DST: variants seen among roughly 807,000 people sequenced by gnomAD.
The protein encoded by DST is bullous pemphigoid antigen.
DST carries 253 observed loss-of-function variants against 875.2 expected under a neutral mutation model. That is an observed-to-expected ratio of 0.29 (90% CI 0.26 to 0.32). The LOEUF (loss-of-function observed/expected upper bound fraction) is 0.32. Among genes scored for constraint, DST ranks in the 10% least tolerant of loss-of-function variants. The pLI is 1.00. For synonymous variants in DST, 3,124 were observed against 3,197.1 expected (o/e 0.98, Z 0.77); for missense variants, 8,287 against 9,111.6 (o/e 0.91, Z 3.68).
At chr6:56,491,502 A>C (rs2095740655) in intron 85 of DST, among the ~76,000 whole-genome samples, 1 of 152,174 alleles carries the variant, frequency 6.6e-6, no homozygotes, top group Admixed American at 6.5e-5. Flanking sequence ...GAGATGCATA[A>C]CTTTACCTCT....
At chr6:56,646,023 G>T (rs1408779509) in intron 14 of DST, 30 bp from the exon 15 acceptor site, 2 of 1,600,624 alleles carry the variant, frequency 1.2e-6, no homozygotes. Flanking sequence ...TTAATGTGAA[G>T]CAAAAATGAA....
rs370166811 is a variant in DST at position 56,730,629 on chromosome 6, G to A, written c.687+4599C>T. On this transcript the variant is annotated intron_variant, in intron 5 of 103. Coordinates refer to ENST00000680361, the MANE Select transcript of DST (RefSeq NM_001374736.1). ...TTCTCCAGGTAAAATTTAGCTAACT[G>A]AAGACACAGGTATTTCCAATAACAA... is the stretch of plus-strand genomic sequence containing the variant. Among the ~76,000 whole-genome samples, 9 of 152,262 alleles carry A rather than the reference G, an allele frequency of 5.9e-5. No homozygotes were observed. The South Asian group carries it at 1.7e-3, about 28-fold the overall frequency.
chr6:56,681,641 AAT>A (rs1188401463), intron 9 of DST, among the ~76,000 whole-genome samples: 1 of 152,190 alleles, frequency 6.6e-6, no homozygotes, highest in Non-Finnish European at 1.5e-5. Context: ...CTAGCCCTCT[AAT>A]ATGTGAGCAG....
At chr6:56,531,043 CAT>C (rs2096888322) in intron 64 of DST, among the ~76,000 whole-genome samples, 1 of 152,272 alleles carries the variant, frequency 6.6e-6, no homozygotes, top group Middle Eastern at 3.4e-3. Flanking sequence ...ATTTCTATAA[CAT>C]ATCACAATGC....
intron 63 of DST, among the ~76,000 whole-genome samples, chr6:56,533,894 C>CA (rs201639378): frequency 6.4e-4 from 94 of 146,528 alleles, no homozygotes; most frequent in African/African-American, 1.4e-3. Context: ...GTCTTAAATA[C>CA]AAAAAAAAAA....
rs1006766226 is a variant in DST at position 56,631,402 on chromosome 6, G to C, written c.3964-13C>G. ...CTTTCTTTAGTTTCTATAAAACAGAGAACAAACAAAGGTATCAGGCCATCA... is the reference window on the plus strand; with the variant it reads ...CTTTCTTTAGTTTCTATAAAACAGACAACAAACAAAGGTATCAGGCCATCA... On this transcript the variant is annotated splice_polypyrimidine_tract_variant and intron_variant, in intron 29 of 103. Transcript: ENST00000680361. The C allele has an allele frequency of 1.2e-6, 2 of 1,611,938 alleles. No homozygotes were observed. The highest frequency in any genetic ancestry group is 2.7e-5 in the African/African-American group (2 of 74,866).
intron 63 of DST, 106 bp from the exon 64 acceptor site, chr6:56,532,616 T>C: frequency 3.8e-6 from 4 of 1,050,544 alleles, no homozygotes; most frequent in Non-Finnish European, 5.4e-6. Context: ...GTATTTTGTA[T>C]GTATGCACAT....
chr6:56,615,254 T>TTA, intron 36 of DST: 1 of 1,108,516 alleles, frequency 9.0e-7, no homozygotes, highest in Non-Finnish European at 1.1e-6. Flanking sequence ...ACATTCTACG[T>TTA]AAAAAAAAAA....
chr6:56,858,555 T>G (rs1769235171), intron 3 of DST, among the ~76,000 whole-genome samples: 1 of 152,204 alleles, frequency 6.6e-6, no homozygotes, highest in South Asian at 2.1e-4. Context: ...AGTATTCCAT[T>G]GTGTATATAT....
At chr6:56,520,088 G>A (rs369181200) in intron 69 of DST, among the ~76,000 whole-genome samples, 10 of 152,144 alleles carry the variant, frequency 6.6e-5, no homozygotes, top group South Asian at 4.1e-4. Context: ...ATGTAGAACT[G>A]AAAAATGTAA....
At chr6:56,740,658 T>C (rs1356260108) in intron 4 of DST, among the ~76,000 whole-genome samples, 3 of 152,202 alleles carry the variant, frequency 2.0e-5, no homozygotes, top group Non-Finnish European at 4.4e-5. Context: ...GCTGACCACA[T>C]CTCAGTCACA....
intron 7 of DST, among the ~76,000 whole-genome samples, chr6:56,702,486 C>T (rs1175928211): frequency 6.6e-6 from 1 of 151,766 alleles, no homozygotes; most frequent in South Asian, 2.1e-4. Flanking sequence ...AGGAGAAAGA[C>T]AGAGAAGGTT....
In DST at chr6:56,639,501, A is replaced by G. The variant is rs1383756784; in HGVS notation, c.2808T>C (p.Tyr936=). 8 of 1,613,810 alleles carry G rather than the reference A, an allele frequency of 5.0e-6. No homozygotes were observed. Among genetic ancestry groups the G allele is most frequent in the Non-Finnish European group, 6.8e-6 (8 of 1,179,936 alleles). The change falls in exon 21 of 104, where the codon TAT becomes TAC. Residue 936 remains tyrosine (Y), a synonymous_variant. Transcript: ENST00000680361. ...TGTTGGTGTTTCTCTCACTCCAGTC[A>G]TAAGCAACTTCCTCCTCTTCTTTTT... ...LNEKEEEEVA[Y]DWSERNTNIA...
intron 36 of DST, chr6:56,619,931 A>G (rs776374573): frequency 1.2e-6 from 2 of 1,614,034 alleles, no homozygotes; most frequent in Non-Finnish European, 1.7e-6. Context: ...TAGTTCATCT[A>G]CCTGCTGTTT....
At chr6:56,598,041 C>G in intron 46 of DST, 35 bp from the exon 47 acceptor site, 12 of 1,538,498 alleles carry the variant, frequency 7.8e-6, no homozygotes, top group Non-Finnish European at 1.0e-5. Context: ...GAATTCAGAA[C>G]GTGGGCCAAG....
chr6:56,466,073 C>T lies in DST; in HGVS notation c.22687+5G>A. On this transcript the variant is annotated splice_donor_5th_base_variant and intron_variant, in intron 99 of 103. Transcript: ENST00000680361. ...ATGATGTTATCATGATAAGCATCTC[C>T]TTACCCCTGCAAGGATCATTTTTCA... 6.2e-7 allele frequency: 1 copy of T among 1,602,244 alleles called. No individual in the cohort carries two copies. The highest frequency in any genetic ancestry group is 1.1e-5 in the South Asian group (1 of 89,656).
At position 56,699,759 on chromosome 6, in the gene DST, G is replaced by A. The variant is rs1271590743; in HGVS notation, c.955-14C>T. The A allele has an allele frequency of 1.5e-6, 2 of 1,297,970 alleles. No homozygotes were observed. The highest frequency in any genetic ancestry group is 2.1e-6 in the Non-Finnish European group (2 of 954,988). The allele number at this position is 1,297,970 out of a possible 1,614,324, so 80.4% of individuals were successfully genotyped here. On this transcript the variant is annotated splice_polypyrimidine_tract_variant and intron_variant, in intron 8 of 103. Coordinates refer to ENST00000680361, the MANE Select transcript of DST (RefSeq NM_001374736.1). ...CACTAATTTCACCTGTTTTGAATGT[G>A]AAGAAGAGATAAAACCAACTGTTTA...
intron 4 of DST, among the ~76,000 whole-genome samples, chr6:56,829,507 T>C (rs34866877): frequency 0.12 from 18,403 of 152,066 alleles, 1,553 homozygotes; most frequent in Non-Finnish European, 0.18. Flanking sequence ...GCAAACTATA[T>C]CAAAAGGCTG....
chr6:56,870,431 CAAAAAAAAAAAA>C (rs34119606), intron 3 of DST, among the ~76,000 whole-genome samples: 3 of 51,362 alleles, frequency 5.8e-5, no homozygotes, highest in Admixed American at 2.1e-4. Flanking sequence ...CTTGCAACTG[CAAAAAAAAAAAA>C]AAAAAAAAAA....
Sources: allele counts gnomAD v4.1 joint callset (sites outside exome capture counted in the v4.1 genomes callset), GRCh38; gene constraint gnomAD v4.1.1; transcripts MANE v1.5; gene names NCBI Gene and HGNC (gene_info 2026-07-23, HGNC 2026-07-21).